Variants in GPC5 observed in about 807,000 individuals in gnomAD.
GPC5 encodes glypican-5.
GPC5 carries 47 observed loss-of-function variants against 53.9 expected under a neutral mutation model. The ratio of observed to expected loss-of-function variants is 0.87; its 90% CI spans 0.69 to 1.11. GPC5 has a LOEUF of 1.11. GPC5 is among the 50% of genes most tolerant of loss of function. The pLI is 0.00. For missense variants in GPC5, 748 were observed against 713.1 expected (o/e 1.05, Z -0.56); for synonymous variants, 286 against 263.3 (o/e 1.09, Z -0.84).
chr13:92,489,890 C>G (rs1158310659), intron 7 of GPC5, among the ~76,000 whole-genome samples: 1 of 148,760 alleles, frequency 6.7e-6, no homozygotes, highest in Non-Finnish European at 1.5e-5. Flanking sequence ...AAAAAAAAGT[C>G]AGCTTCTAAA....
chr13:92,002,700 G>A (rs934364702), intron 6 of GPC5, among the ~76,000 whole-genome samples: 3 of 152,104 alleles, frequency 2.0e-5, no homozygotes, highest in African/African-American at 7.2e-5. Flanking sequence ...GATAGGAATG[G>A]AACATATAAA....
At chr13:92,024,327 G>A (rs549067372) in intron 6 of GPC5, among the ~76,000 whole-genome samples, 1 of 152,170 alleles carries the variant, frequency 6.6e-6, no homozygotes, top group Non-Finnish European at 1.5e-5. Flanking sequence ...ATCCATTAAT[G>A]ATTTCTAGTT....
chr13:91,878,856 A>G (rs972340692), intron 5 of GPC5, among the ~76,000 whole-genome samples: 8 of 152,144 alleles, frequency 5.3e-5, no homozygotes, highest in African/African-American at 1.9e-4. Context: ...TTGAGAATGG[A>G]CTAATACATT....
chr13:91,440,490 A>G (rs1269920500), intron 1 of GPC5, among the ~76,000 whole-genome samples: 1 of 152,110 alleles, frequency 6.6e-6, no homozygotes, highest in East Asian at 1.9e-4. Context: ...CTGACCTATA[A>G]TTTATTCTGA....
intron 7 of GPC5, among the ~76,000 whole-genome samples, chr13:92,744,062 T>G (rs973021374): frequency 3.3e-5 from 5 of 152,008 alleles, no homozygotes; most frequent in African/African-American, 1.2e-4. Flanking sequence ...GGAAGGGAAT[T>G]GCAACAAACC....
At chr13:91,744,904 C>T (rs1046164469) in intron 4 of GPC5, among the ~76,000 whole-genome samples, 5 of 151,954 alleles carry the variant, frequency 3.3e-5, no homozygotes, top group Non-Finnish European at 5.9e-5. Context: ...AAATTAGTAC[C>T]ATGTTTCTTT....
intron 6 of GPC5, among the ~76,000 whole-genome samples, chr13:92,130,154 T>C (rs1217824044): frequency 6.6e-6 from 1 of 152,072 alleles, no homozygotes; most frequent in Non-Finnish European, 1.5e-5. Flanking sequence ...TTTGCCAGTC[T>C]AAAATTTAAT....
chr13:92,644,833 G>T (rs1885713643), intron 7 of GPC5, among the ~76,000 whole-genome samples: 1 of 151,736 alleles, frequency 6.6e-6, no homozygotes, highest in Admixed American at 6.6e-5. Context: ...GCATAGTGCT[G>T]GGAGTTCTTG....
At chr13:91,626,591 C>T in intron 2 of GPC5, among the ~76,000 whole-genome samples, 1 of 152,068 alleles carries the variant, frequency 6.6e-6, no homozygotes, top group East Asian at 1.9e-4. Context: ...CGGTCGATAT[C>T]ACATGAAGTT....
chr13:91,760,410 G>C (rs1287783035), intron 5 of GPC5, among the ~76,000 whole-genome samples: 1 of 152,162 alleles, frequency 6.6e-6, no homozygotes, highest in African/African-American at 2.4e-5. Context: ...TCAGAGACCT[G>C]CAGTTAGTTG....
At chr13:92,669,869 G>A (rs997386987) in intron 7 of GPC5, among the ~76,000 whole-genome samples, 1 of 152,104 alleles carries the variant, frequency 6.6e-6, no homozygotes. Context: ...ATAGCCATAG[G>A]CTTTAGTCTA....
intron 2 of GPC5, among the ~76,000 whole-genome samples, chr13:91,480,373 TA>T (rs1883233317): frequency 6.6e-6 from 1 of 152,212 alleles, no homozygotes; most frequent in East Asian, 1.9e-4. Context: ...CTTTCAGTGT[TA>T]AGTCCTTCAC....
intron 6 of GPC5, among the ~76,000 whole-genome samples, chr13:92,058,484 C>G (rs574183541): frequency 6.6e-6 from 1 of 152,298 alleles, no homozygotes; most frequent in Admixed American, 6.5e-5. Context: ...CATTTTTTAA[C>G]CAACATTTAC....
At chr13:91,460,048 GA>G (rs1207665031) in intron 2 of GPC5, among the ~76,000 whole-genome samples, 1 of 152,052 alleles carries the variant, frequency 6.6e-6, no homozygotes, top group African/African-American at 2.4e-5. Flanking sequence ...TTGTATATGA[GA>G]AATTTGTTTT....
chr13:92,600,638 C>T (rs1884018391), intron 7 of GPC5, among the ~76,000 whole-genome samples: 1 of 149,410 alleles, frequency 6.7e-6, no homozygotes, highest in Non-Finnish European at 1.5e-5. Context: ...GCTGGGATTA[C>T]AGGACCCCAT....
At chr13:92,020,457 G>T (rs1321466830) in intron 6 of GPC5, among the ~76,000 whole-genome samples, 1 of 151,850 alleles carries the variant, frequency 6.6e-6, no homozygotes, top group African/African-American at 2.4e-5. Flanking sequence ...ACAGTTTCAG[G>T]CTTTCTACCT....
At chr13:92,371,118 C>T (rs973961620) in intron 7 of GPC5, among the ~76,000 whole-genome samples, 3 of 152,206 alleles carry the variant, frequency 2.0e-5, no homozygotes, top group African/African-American at 7.2e-5. Flanking sequence ...CCACTGTACT[C>T]CAGCCTGGGC....
At chr13:91,503,316 G>T (rs1884749875) in intron 2 of GPC5, among the ~76,000 whole-genome samples, 2 of 152,132 alleles carry the variant, frequency 1.3e-5, no homozygotes, top group South Asian at 2.1e-4. Flanking sequence ...AGGAAAGGAA[G>T]AATCATCAAT....
rs1287022182 is a variant in GPC5, at chr13:91,736,494, A to G, written c.1154+7829A>G. 2.0e-5 allele frequency among the ~76,000 whole-genome samples: 3 copies of G among 151,164 alleles called. No homozygotes were observed. In the South Asian group the frequency reaches 6.2e-4, roughly 31 times the overall value. On this transcript the variant is annotated intron_variant, in intron 4 of 7. Coordinates refer to ENST00000377067, the MANE Select transcript of GPC5 (RefSeq NM_004466.6). ...ATCTTTTTTTATTATACTGTATTGT[A>G]GATACAGTGACCATCCACACAGAGA...
Sources: gnomAD v4.1 joint callset for allele counts (sites outside exome capture counted in the v4.1 genomes callset) on GRCh38, gnomAD v4.1.1 for gene constraint, MANE v1.5 for transcripts, NCBI Gene and HGNC (gene_info 2026-07-23, HGNC 2026-07-21) for gene names.